The following SH3GL2 variants were observed in gnomAD, a reference collection of about 807,000 sequenced individuals.
The protein encoded by SH3GL2 is SH3 domain containing GRB2 like 2, endophilin A1.
A neutral mutation model predicts 46.0 loss-of-function variants in SH3GL2; 24 were observed. That is an observed-to-expected ratio of 0.52 (90% CI 0.38 to 0.73). The LOEUF is 0.73. Ranked by LOEUF, SH3GL2 falls within the 30% of genes least tolerant of loss-of-function variation. The pLI, the probability that SH3GL2 is intolerant of heterozygous loss-of-function variation, is 0.00. For synonymous variants in SH3GL2, 196 were observed against 147.1 expected, an observed-to-expected ratio of 1.33 and a Z score of -2.40; for missense variants, 413 against 424.2, an observed-to-expected ratio of 0.97 and a Z score of 0.23.
chr9:17,635,633 A>G (rs1489929682), intron 1 of SH3GL2, among the ~76,000 whole-genome samples: 1 of 152,178 alleles, frequency 6.6e-6, no homozygotes. Flanking sequence ...CTCACAGAGC[A>G]TTTATTTAAG....
intron 1 of SH3GL2, among the ~76,000 whole-genome samples, chr9:17,602,649 T>C (rs1818692369): frequency 6.6e-6 from 1 of 152,186 alleles, no homozygotes; most frequent in African/African-American, 2.4e-5. Flanking sequence ...AGAAGGATTA[T>C]AAACAAAACG....
chr9:17,606,194 G>C (rs1418316179), intron 1 of SH3GL2, among the ~76,000 whole-genome samples: 1 of 152,140 alleles, frequency 6.6e-6, no homozygotes, highest in African/African-American at 2.4e-5. Context: ...CTGGGTTCAA[G>C]CGATTCTCCT....
intron 1 of SH3GL2, among the ~76,000 whole-genome samples, chr9:17,709,680 T>TACACACACACACACACACAC (rs3837228): frequency 1.1e-4 from 17 of 148,274 alleles, no homozygotes; most frequent in African/African-American, 4.0e-4. Context: ...TTATTTGTAT[T>TACACACACACACACACACAC]ACACACACAC....
At chr9:17,619,410 G>T (rs2134597797) in intron 1 of SH3GL2, among the ~76,000 whole-genome samples, 1 of 152,342 alleles carries the variant, frequency 6.6e-6, no homozygotes, top group South Asian at 2.1e-4. Flanking sequence ...GGGCATGGTG[G>T]CTCACGCCTG....
At chr9:17,625,560 A>C (rs151056832) in intron 1 of SH3GL2, among the ~76,000 whole-genome samples, 1 of 152,366 alleles carries the variant, frequency 6.6e-6, no homozygotes, top group Non-Finnish European at 1.5e-5. Flanking sequence ...ACAGACAGGG[A>C]AACAAGGCAA....
At chr9:17,679,541 G>A (rs1057238082) in intron 1 of SH3GL2, among the ~76,000 whole-genome samples, 11 of 152,048 alleles carry the variant, frequency 7.2e-5, no homozygotes, top group African/African-American at 2.7e-4. Flanking sequence ...GAGGCGATGG[G>A]GTTTTCTAGA....
chr9:17,632,143 A>G (rs1040755341), intron 1 of SH3GL2, among the ~76,000 whole-genome samples: 1 of 152,148 alleles, frequency 6.6e-6, no homozygotes, highest in African/African-American at 2.4e-5. Context: ...AGTGAATGCC[A>G]TTTGCTTTAA....
chr9:17,659,064 G>C (rs1484447101), intron 1 of SH3GL2, among the ~76,000 whole-genome samples: 1 of 152,196 alleles, frequency 6.6e-6, no homozygotes, highest in African/African-American at 2.4e-5. Context: ...AAGATTTCTT[G>C]CTAGTGGTAC....
intron 1 of SH3GL2, among the ~76,000 whole-genome samples, chr9:17,691,293 C>G (rs1362702754): frequency 6.6e-6 from 1 of 152,084 alleles, no homozygotes; most frequent in Admixed American, 6.6e-5. Context: ...CCTACTAACC[C>G]TAATTCTACT....
intron 1 of SH3GL2, among the ~76,000 whole-genome samples, chr9:17,580,739 G>T (rs1201770893): frequency 1.3e-5 from 2 of 152,214 alleles, no homozygotes. Context: ...CCAAGCATAT[G>T]TGCTGCCCAG....
At chr9:17,596,191 C>T (rs183688863) in intron 1 of SH3GL2, among the ~76,000 whole-genome samples, 10 of 152,280 alleles carry the variant, frequency 6.6e-5, no homozygotes, top group African/African-American at 2.4e-4. Flanking sequence ...GGAACACCTG[C>T]CCTGCCCTCC....
Position 17,796,279 on chromosome 9 carries a change from G to A in SH3GL2, c.*536G>A, listed in dbSNP as rs1824272565. On this transcript the variant is annotated 3_prime_UTR_variant, in exon 9 of 9. Coordinates refer to ENST00000380607, the MANE Select transcript of SH3GL2 (RefSeq NM_003026.5). ...GCATCCATAGAAAAGTGTTAATTGT[G>A]GGTTCAAAGCATTCTCTGCAAATAG... 6.5e-6 allele frequency: 1 copy of A among 153,010 alleles called. No homozygotes were observed. Among genetic ancestry groups the A allele is most frequent in the African/African-American group, 2.4e-5 (1 of 41,448 alleles). 9.5% of individuals were successfully genotyped at this position (153,010 alleles called of 1,614,324 possible).
chr9:17,751,558 C>G (rs776235216), intron 2 of SH3GL2, among the ~76,000 whole-genome samples: 3 of 151,608 alleles, frequency 2.0e-5, no homozygotes, highest in Non-Finnish European at 1.5e-5. Flanking sequence ...TGTTTGACCC[C>G]CTTGTTCCCA....
chr9:17,783,044 A>T (rs551141140), intron 3 of SH3GL2, among the ~76,000 whole-genome samples: 1 of 152,210 alleles, frequency 6.6e-6, no homozygotes, highest in Admixed American at 6.5e-5. Flanking sequence ...GAACACACAC[A>T]CAGACAGGGG....
chr9:17,666,591 GT>G (rs1385034223), intron 1 of SH3GL2, among the ~76,000 whole-genome samples: 1 of 140,382 alleles, frequency 7.1e-6, no homozygotes, highest in Non-Finnish European at 1.6e-5. Context: ...TATACATTAA[GT>G]TTGCTTTTTT....
At chr9:17,747,229 A>G (rs117253426) in intron 2 of SH3GL2, 95 bp downstream of exon 2, 9,764 of 706,016 alleles carry the variant, frequency 0.014, 93 homozygotes, top group Middle Eastern at 0.027. Context: ...ACTGTTTTCC[A>G]CTGGTCTCTG....
At chr9:17,789,587 A>G (rs774573126) in intron 6 of SH3GL2, 37 bp downstream of exon 6, 23 of 1,609,880 alleles carry the variant, frequency 1.4e-5, no homozygotes, top group Non-Finnish European at 1.8e-5. Flanking sequence ...TAATCTTATC[A>G]TCGAGGCACA....
At chr9:17,767,090 C>G (rs1823339572) in intron 3 of SH3GL2, among the ~76,000 whole-genome samples, 1 of 152,112 alleles carries the variant, frequency 6.6e-6, no homozygotes, top group Admixed American at 6.6e-5. Context: ...ATGTGATAAT[C>G]TAATACAAAT....
At chr9:17,596,436 A>T (rs945929838) in intron 1 of SH3GL2, among the ~76,000 whole-genome samples, 1 of 151,690 alleles carries the variant, frequency 6.6e-6, no homozygotes, top group Non-Finnish European at 1.5e-5. Context: ...AGACATGTAT[A>T]GGGTATTGGA....
Sources: allele counts gnomAD v4.1 joint callset (sites outside exome capture counted in the v4.1 genomes callset), GRCh38; gene constraint gnomAD v4.1.1; transcripts MANE v1.5; gene names NCBI Gene and HGNC (gene_info 2026-07-23, HGNC 2026-07-21).